Variants in EYA1 observed in about 807,000 individuals in gnomAD.
The protein encoded by EYA1 is protein phosphatase EYA1.
A neutral mutation model predicts 82.0 loss-of-function variants in EYA1; 16 were observed. The ratio of observed to expected loss-of-function variants is 0.20; its 90% CI spans 0.13 to 0.30. The LOEUF (loss-of-function observed/expected upper bound fraction) is 0.30, where lower values mean the gene tolerates loss of function less well. Ranked by LOEUF, EYA1 falls within the 10% of genes least tolerant of loss-of-function variation. The pLI is 1.00. For missense variants in EYA1, 633 were observed against 730.7 expected (o/e 0.87, Z 1.54); for synonymous variants, 261 against 264.4 (o/e 0.99, Z 0.12).
chr8:71,289,865 AAAGT>A, intron 9 of EYA1, among the ~76,000 whole-genome samples: 2 of 152,320 alleles, frequency 1.3e-5, no homozygotes, highest in South Asian at 4.1e-4. Flanking sequence ...GTCTAGTGAA[AAAGT>A]AAGGTGCAGA....
chr8:71,514,449 T>A (rs1358100676), intron 2 of EYA1, among the ~76,000 whole-genome samples: 2 of 152,166 alleles, frequency 1.3e-5, no homozygotes, highest in African/African-American at 4.8e-5. Flanking sequence ...CAACTGATAC[T>A]ATGTATTAGT....
chr8:71,463,112 G>A (rs1009703289), intron 2 of EYA1, among the ~76,000 whole-genome samples: 1 of 152,098 alleles, frequency 6.6e-6, no homozygotes, highest in African/African-American at 2.4e-5. Flanking sequence ...GTTTGCAATA[G>A]TCTTCAAAAT....
At chr8:71,458,207 G>C (rs1188682003) in intron 2 of EYA1, among the ~76,000 whole-genome samples, 1 of 152,090 alleles carries the variant, frequency 6.6e-6, no homozygotes, top group Admixed American at 6.5e-5. Context: ...AGAACTTTAA[G>C]AAACTATTGA....
intron 11 of EYA1, among the ~76,000 whole-genome samples, chr8:71,246,163 T>C (rs973070026): frequency 2.0e-5 from 3 of 152,256 alleles, no homozygotes; most frequent in African/African-American, 7.2e-5. Flanking sequence ...TTATTGGCAT[T>C]CTATTAATAA....
At chr8:71,329,257 C>T (rs1044841953) in intron 4 of EYA1, among the ~76,000 whole-genome samples, 4 of 152,188 alleles carry the variant, frequency 2.6e-5, no homozygotes, top group Admixed American at 6.5e-5. Context: ...CGGTATTAGC[C>T]CCTACCTTCT....
intron 17 of EYA1, among the ~76,000 whole-genome samples, chr8:71,207,501 A>G (rs926004587): frequency 2.0e-5 from 3 of 152,238 alleles, no homozygotes; most frequent in African/African-American, 4.8e-5. Context: ...CTCAAGGTAC[A>G]AAGAGTGGTT....
chr8:71,530,928 C>T (rs1814217233), intron 2 of EYA1: 1 of 152,124 alleles, frequency 6.6e-6, no homozygotes, highest in Non-Finnish European at 1.5e-5. Flanking sequence ...TCTAGAATAT[C>T]ATCATCTAAA....
At chr8:71,338,038 A>T (rs1489726244) in intron 3 of EYA1, among the ~76,000 whole-genome samples, 1 of 152,190 alleles carries the variant, frequency 6.6e-6, no homozygotes, top group Non-Finnish European at 1.5e-5. Context: ...TTTTATAGTC[A>T]CTCTATCACT....
At chr8:71,475,171 T>C (rs1809556457) in intron 2 of EYA1, among the ~76,000 whole-genome samples, 1 of 152,162 alleles carries the variant, frequency 6.6e-6, no homozygotes, top group Non-Finnish European at 1.5e-5. Flanking sequence ...TAGATATTCA[T>C]GTGTTAACAT....
At chr8:71,390,316 G>C (rs1020480371) in intron 2 of EYA1, among the ~76,000 whole-genome samples, 20 of 151,194 alleles carry the variant, frequency 1.3e-4, no homozygotes, top group African/African-American at 4.6e-4. Context: ...TGTTGCCCAG[G>C]CTGGAGTGCA....
At chr8:71,492,054 G>A (rs757119578) in intron 2 of EYA1, among the ~76,000 whole-genome samples, 2 of 152,076 alleles carry the variant, frequency 1.3e-5, no homozygotes, top group East Asian at 3.9e-4. Flanking sequence ...TGATCCTACC[G>A]GACGTTGGCA....
intron 2 of EYA1, among the ~76,000 whole-genome samples, chr8:71,506,776 T>A (rs1007678642): frequency 1.3e-5 from 2 of 152,156 alleles, no homozygotes; most frequent in African/African-American, 4.8e-5. Flanking sequence ...AATTTTCAAG[T>A]GCTTTACTAT....
chr8:71,423,006 G>A (rs950866774), intron 2 of EYA1, among the ~76,000 whole-genome samples: 1 of 152,076 alleles, frequency 6.6e-6, no homozygotes, highest in African/African-American at 2.4e-5. Context: ...GAAACCTGCA[G>A]AAACTAATCA....
intron 2 of EYA1, among the ~76,000 whole-genome samples, chr8:71,472,231 C>T (rs917317001): frequency 3.3e-5 from 5 of 152,168 alleles, no homozygotes; most frequent in Non-Finnish European, 7.4e-5. Flanking sequence ...ACTTTAAACA[C>T]TGCCTACTTC....
chr8:71,317,723 C>T, intron 6 of EYA1, 34 bp from the exon 7 acceptor site: 1 of 1,610,540 alleles, frequency 6.2e-7, no homozygotes, highest in East Asian at 2.2e-5. Context: ...TCTATCTGTC[C>T]ATTTTCAAAA....
chr8:71,420,222 G>C (rs1831069346), intron 2 of EYA1, among the ~76,000 whole-genome samples: 1 of 152,162 alleles, frequency 6.6e-6, no homozygotes, highest in Non-Finnish European at 1.5e-5. Flanking sequence ...TGCTAATGTT[G>C]CTATATTTGG....
chr8:71,510,697 C>G (rs1478704484), intron 2 of EYA1, among the ~76,000 whole-genome samples: 1 of 152,168 alleles, frequency 6.6e-6, no homozygotes, highest in African/African-American at 2.4e-5. Flanking sequence ...GGGGTTATTA[C>G]AGTTCAAGGT....
At chr8:71,535,149 T>C (rs1044923080) in intron 2 of EYA1, among the ~76,000 whole-genome samples, 3 of 152,202 alleles carry the variant, frequency 2.0e-5, no homozygotes, top group South Asian at 2.1e-4. Flanking sequence ...TGACCCCTAA[T>C]TGGGAATATT....
chr8:71,452,754 C>G (rs1453123562), intron 2 of EYA1, among the ~76,000 whole-genome samples: 4 of 152,064 alleles, frequency 2.6e-5, no homozygotes, highest in Non-Finnish European at 4.4e-5. Context: ...ACATCCACAC[C>G]AAAACCCAAT....
Sources: allele counts gnomAD v4.1 joint callset (sites outside exome capture counted in the v4.1 genomes callset), GRCh38; gene constraint gnomAD v4.1.1; transcripts MANE v1.5; gene names NCBI Gene and HGNC (gene_info 2026-07-23, HGNC 2026-07-21).